Variants in BECN1 observed in about 807,000 individuals in gnomAD.
BECN1 encodes beclin-1.
BECN1 carries 15 observed loss-of-function variants against 60.1 expected under a neutral mutation model. That is an observed-to-expected ratio of 0.25 (90% CI 0.17 to 0.38). The LOEUF (loss-of-function observed/expected upper bound fraction) is 0.38, where lower values mean the gene tolerates loss of function less well. Ranked by LOEUF, BECN1 falls within the 10% of genes least tolerant of loss-of-function variation. The pLI, the probability that BECN1 is intolerant of heterozygous loss-of-function variation, is 1.00. For missense variants in BECN1, 424 were observed against 548.2 expected, an observed-to-expected ratio of 0.77 and a Z score of 2.26; for synonymous variants, 179 against 201.8, an observed-to-expected ratio of 0.89 and a Z score of 0.96.
Position 42,824,218 on chromosome 17 carries a change from G to T in BECN1, c.-66C>A, listed in dbSNP as rs964265524. ...CGCGGAGGCACTGTGGCCTCGGGTC[G>T]GCCCCGGAGCGAGGCCTCCAGAACT... is the stretch of plus-strand genomic sequence containing the variant. On this transcript the variant is annotated 5_prime_UTR_variant, in exon 1 of 12. Transcript: ENST00000590099. 2.4e-6 allele frequency: 1 copy of T among 410,348 alleles called. No homozygotes were observed. The highest frequency in any genetic ancestry group is 8.6e-5 in the South Asian group (1 of 11,678). The allele number at this position is 410,348 out of a possible 1,614,324, so 25.4% of individuals were successfully genotyped here.
intron 9 of BECN1, 190 bp from the exon 10 acceptor site, chr17:42,814,198 T>C: frequency 1.8e-6 from 1 of 549,460 alleles, no homozygotes; most frequent in Admixed American, 3.6e-5. Flanking sequence ...ACATTTATTA[T>C]ATAATTGCCT....
At chr17:42,811,824 G>C (rs1055649218) in intron 10 of BECN1, 27 bp from the exon 11 acceptor site, 1 of 1,603,346 alleles carries the variant, frequency 6.2e-7, no homozygotes, top group African/African-American at 1.4e-5. Context: ...AACTGGCTAT[G>C]GATCTGGCAC....
chr17:42,816,203 T>C (rs1207879175), intron 7 of BECN1, 149 bp from the exon 8 acceptor site: 3 of 826,262 alleles, frequency 3.6e-6, no homozygotes, highest in Middle Eastern at 2.5e-4. Flanking sequence ...CTGAGGAACA[T>C]GTATGTCCTA....
chr17:42,822,847 A>ATT (rs59395884), intron 2 of BECN1, among the ~76,000 whole-genome samples: 3 of 139,808 alleles, frequency 2.1e-5, no homozygotes, highest in African/African-American at 5.2e-5. Context: ...ACACCCAGCA[A>ATT]TTTTTTTTTT....
chr17:42,816,645 G>A (rs1485086107), intron 7 of BECN1, among the ~76,000 whole-genome samples: 11 of 128,230 alleles, frequency 8.6e-5, no homozygotes, highest in Admixed American at 7.7e-4. Flanking sequence ...CCGAGACTCT[G>A]TCTCAAAAAA....
At position 42,820,844 on chromosome 17, in the gene BECN1, A is replaced by G. The variant is rs1425313276; in HGVS notation, c.131-3T>C. The G allele has an allele frequency of 6.3e-6, 10 of 1,593,286 alleles. No individual in the cohort carries two copies. Among genetic ancestry groups the G allele is most frequent in the Admixed American group, 1.8e-5 (1 of 56,744 alleles). On this transcript the variant is annotated splice_polypyrimidine_tract_variant and splice_region_variant and intron_variant, in intron 2 of 11. Coordinates refer to ENST00000590099, the MANE Select transcript of BECN1 (RefSeq NM_001313998.2). Reference sequence around the variant, plus strand: ...CTGGGCTGTGGTAAGTAATGGAGCTAAGGGCAAGGAAAATATTGGGTCAGA... The same window carrying G: ...CTGGGCTGTGGTAAGTAATGGAGCTGAGGGCAAGGAAAATATTGGGTCAGA...
rs2055210501 is a variant in BECN1 at position 42,819,222 on chromosome 17, A to G, written c.260+326T>C. 8.5e-6 allele frequency: 4 copies of G among 471,938 alleles called. No individual in the cohort carries two copies. The East Asian group carries it at 1.4e-4, about 16-fold the overall frequency. The allele number at this position is 471,938 out of a possible 1,614,324, so 29.2% of individuals were successfully genotyped here. ...CAAGCTCTTTACCTGCAGCAATGAG[A>G]ACTAAGGACCTGAACATCTAACAAC... On this transcript the variant is annotated intron_variant, in intron 4 of 11. Coordinates refer to ENST00000590099, the MANE Select transcript of BECN1 (RefSeq NM_001313998.2).
chr17:42,811,716 A>G lies in BECN1; in HGVS notation c.1123T>C (p.Cys375Arg), dbSNP rs753731447. 1.2e-6 allele frequency: 2 copies of G among 1,614,242 alleles called. No homozygotes were observed. The highest frequency in any genetic ancestry group is 1.7e-6 in the Non-Finnish European group (2 of 1,180,048). ...ACCTCTTCTTTGAACTGCTGCACAC[A>G]GTCCAGGAAAGCCACCATTGCATGG... ...FDHAMVAFLD[C>R]VQQFKEEVEK... The change falls in exon 11 of 12, where the codon TGT (cysteine) becomes CGT (arginine). Residue 375 changes from cysteine (C) to arginine (R), a missense_variant. Cys to Arg is a radical substitution (Grantham distance 180). Coordinates refer to ENST00000590099, the MANE Select transcript of BECN1 (RefSeq NM_001313998.2).
At chr17:42,811,376 A>G (rs1011168166) in intron 11 of BECN1, 2 of 350,292 alleles carry the variant, frequency 5.7e-6, no homozygotes, top group Non-Finnish European at 1.0e-5. Flanking sequence ...CAAGGGCTTC[A>G]GGGAAAAACC....
In BECN1 at chr17:42,811,639, A is replaced by G; in HGVS notation, c.1184+16T>C. ...TTGGTCCTATACAAGTTCACTCAGCATTGCGCTATACTGACCTGTAGGGAA... is the reference window on the plus strand; with the variant it reads ...TTGGTCCTATACAAGTTCACTCAGCGTTGCGCTATACTGACCTGTAGGGAA... On this transcript the variant is annotated intron_variant, in intron 11 of 11. Transcript: ENST00000590099. The G allele has an allele frequency of 6.2e-7, 1 of 1,604,562 alleles. No homozygotes were observed. The highest frequency in any genetic ancestry group is 8.5e-7 in the Non-Finnish European group (1 of 1,176,320).
chr17:42,816,699 A>G (rs2055154519), intron 7 of BECN1, among the ~76,000 whole-genome samples: 1 of 145,112 alleles, frequency 6.9e-6, no homozygotes, highest in African/African-American at 2.6e-5. Context: ...GGCCGGGTGC[A>G]GTGGCTCACA....
At chr17:42,814,302 T>C (rs560832771) in intron 9 of BECN1, 14 of 618,818 alleles carry the variant, frequency 2.3e-5, no homozygotes, top group African/African-American at 1.7e-4. Flanking sequence ...CTGGGGACTG[T>C]AGGCTGGGAA....
Position 42,819,613 on chromosome 17 carries a change from GGAAA to G in BECN1, c.199-8_199-5del. Reference sequence around the variant, plus strand: ...GAGGAGTTTCAATAAATGGCTCCTGGGAAAGAAATAAGAGGGCATTACAACTCTG... The same window carrying G: ...GAGGAGTTTCAATAAATGGCTCCTGGGAAATAAGAGGGCATTACAACTCTG... On this transcript the variant is annotated splice_region_variant and splice_polypyrimidine_tract_variant and intron_variant, in intron 3 of 11. Coordinates refer to ENST00000590099, the MANE Select transcript of BECN1 (RefSeq NM_001313998.2). 6.2e-7 allele frequency: 1 copy of G among 1,613,086 alleles called. No homozygotes were observed. Among genetic ancestry groups the G allele is most frequent in the Non-Finnish European group, 8.5e-7 (1 of 1,179,698 alleles).
At chr17:42,816,326 T>A (rs886858270) in intron 7 of BECN1, among the ~76,000 whole-genome samples, 2 of 152,212 alleles carry the variant, frequency 1.3e-5, no homozygotes, top group African/African-American at 4.8e-5. Context: ...TTATTTCTGA[T>A]CTTTTTCAGA....
Position 42,814,515 on chromosome 17 carries a change from A to G in BECN1, c.980+9T>C, listed in dbSNP as rs57695719. 1.8e-3 allele frequency: 2,907 copies of G among 1,614,124 alleles called. 52 individuals are homozygous for G. The African/African-American group carries it at 0.034, about 19-fold the overall frequency. ...ACATCACTCCCCAAGAAAGGGCTAC[A>G]CTTCCTACCTCTGAAATTTCAGACC... On this transcript the variant is annotated intron_variant, in intron 9 of 11. Coordinates refer to ENST00000590099, the MANE Select transcript of BECN1 (RefSeq NM_001313998.2).
chr17:42,816,129 G>A (rs1239565965), intron 7 of BECN1, 75 bp from the exon 8 acceptor site: 8 of 1,411,498 alleles, frequency 5.7e-6, no homozygotes, highest in Middle Eastern at 1.8e-4. Flanking sequence ...CACTATGAAC[G>A]ATTCTTTAGT....
Position 42,818,783 on chromosome 17 carries a change from T to G in BECN1, c.351+4A>C, listed in dbSNP as rs770477171. 4.3e-6 allele frequency: 7 copies of G among 1,614,124 alleles called. No individual in the cohort carries two copies. The highest frequency in any genetic ancestry group is 5.9e-6 in the Non-Finnish European group (7 of 1,179,998). On this transcript the variant is annotated splice_donor_region_variant and intron_variant, in intron 5 of 11. Transcript: ENST00000590099. The stretch of plus-strand genomic sequence containing the variant: ...TGCTTGCCACCGGAATGGGGCCGAC[T>G]TGCCTTCAGTCTTCGGCTGAGGTTC...
intron 1 of BECN1, 107 bp from the exon 2 acceptor site, chr17:42,823,986 A>G (rs1473381264): frequency 2.9e-6 from 4 of 1,389,432 alleles, no homozygotes; most frequent in African/African-American, 1.4e-5. Flanking sequence ...GGAAGTCCCA[A>G]CCTGCGCCGT....
Position 42,818,418 on chromosome 17 carries a change from G to A in BECN1, c.489-3C>T, listed in dbSNP as rs936043256. 2 of 1,614,052 alleles carry A rather than the reference G, an allele frequency of 1.2e-6. No individual in the cohort carries two copies. Among genetic ancestry groups the A allele is most frequent in the African/African-American group, 1.3e-5 (1 of 75,034 alleles). ...GCTCTAAGATCTCCAAACAGCGTCT[G>A]CCAAAGACACAGGCAGACTATACTT... On this transcript the variant is annotated splice_region_variant and splice_polypyrimidine_tract_variant and intron_variant, in intron 6 of 11. Transcript: ENST00000590099.
Sources: gnomAD v4.1 joint callset for allele counts (sites outside exome capture counted in the v4.1 genomes callset) on GRCh38, gnomAD v4.1.1 for gene constraint, MANE v1.5 for transcripts, NCBI Gene and HGNC (gene_info 2026-07-23, HGNC 2026-07-21) for gene names.